The following FBXL2 variants were observed in gnomAD, a reference collection of about 807,000 sequenced individuals.
FBXL2 encodes F-box/LRR-repeat protein 2.
In FBXL2, 38 loss-of-function variants were observed where a neutral mutation model predicts 69.2. That is an observed-to-expected ratio of 0.55 (90% CI 0.42 to 0.72). The LOEUF (loss-of-function observed/expected upper bound fraction) is 0.72, where lower values mean the gene tolerates loss of function less well. Ranked by LOEUF, FBXL2 falls within the 30% of genes least tolerant of loss-of-function variation. The probability of loss-of-function intolerance (pLI) is 0.00; values close to 1 mark genes in which losing one functional copy is unlikely to be tolerated. For missense variants in FBXL2, 354 were observed against 520.3 expected (o/e 0.68, Z 3.11); for synonymous variants, 192 against 201.3 (o/e 0.95, Z 0.39).
At chr3:33,340,455 A>G (rs2039925438) in intron 2 of FBXL2, among the ~76,000 whole-genome samples, 1 of 151,770 alleles carries the variant, frequency 6.6e-6, no homozygotes. Context: ...CAGAAAATGT[A>G]TGAGATGGAA....
At chr3:33,291,975 T>TA (rs1401563238) in intron 1 of FBXL2, among the ~76,000 whole-genome samples, 6 of 152,134 alleles carry the variant, frequency 3.9e-5, no homozygotes, top group African/African-American at 1.4e-4. Flanking sequence ...GTGAAAAAGA[T>TA]ATACCATGCA....
chr3:33,344,804 T>TA, intron 2 of FBXL2, among the ~76,000 whole-genome samples: 1 of 152,232 alleles, frequency 6.6e-6, no homozygotes, highest in East Asian at 1.9e-4. Flanking sequence ...ATTGATAAAT[T>TA]CTTACTAAAA....
In FBXL2 at chr3:33,288,413, AGGT is replaced by A. The variant is rs2034873033; in HGVS notation, c.4-9246_4-9244del. ...CAGGGAGACAGATAATAAACAGATAAGGTGGTGAAAAGTACTTTGGAGAAAAAT... is the reference window on the plus strand; with the variant it reads ...CAGGGAGACAGATAATAAACAGATAAGGTGAAAAGTACTTTGGAGAAAAAT... On this transcript the variant is annotated intron_variant, in intron 1 of 14. Coordinates refer to ENST00000484457, the MANE Select transcript of FBXL2 (RefSeq NM_012157.5). 2.6e-5 allele frequency among the ~76,000 whole-genome samples: 4 copies of A among 152,346 alleles called. No homozygotes were observed. The South Asian group carries it at 8.3e-4, about 32-fold the overall frequency.
At position 33,393,463 on chromosome 3, in the gene FBXL2, A is replaced by T. The variant is rs76027504; in HGVS notation, n.1214+7735A>T. ...GTAGATTGCATGATAAACTGAAATT[A>T]AAAAAAAAAAAAGAAAAGCATTTTA... On this transcript the variant is annotated intron_variant and non_coding_transcript_variant, in intron 12 of 12. Transcript: ENST00000463736. The T allele has an allele frequency of 2.1e-5, 6 of 282,820 alleles. No individual in the cohort carries two copies. In the East Asian group the frequency reaches 3.5e-4, roughly 17 times the overall value. The allele number at this position is 282,820 out of a possible 1,614,324, so 17.5% of individuals were successfully genotyped here. A position where few individuals can be genotyped will look rare whatever the true frequency, so the allele number is the denominator to read the frequency against.
At chr3:33,345,692 A>G (rs1031172027) in intron 2 of FBXL2, among the ~76,000 whole-genome samples, 5 of 152,222 alleles carry the variant, frequency 3.3e-5, no homozygotes, top group Non-Finnish European at 7.3e-5. Flanking sequence ...AGCATACAAA[A>G]TGTTCCTACA....
chr3:33,310,082 T>C (rs1003949825), intron 2 of FBXL2, among the ~76,000 whole-genome samples: 1 of 152,204 alleles, frequency 6.6e-6, no homozygotes. Flanking sequence ...TGTCATAATT[T>C]ACATTTTTAA....
At chr3:33,326,505 C>CAAA (rs543949783) in intron 2 of FBXL2, among the ~76,000 whole-genome samples, 2 of 96,612 alleles carry the variant, frequency 2.1e-5, no homozygotes, top group African/African-American at 3.6e-5. Context: ...GACTCCGTCT[C>CAAA]AAAAAAAAAA....
intron 2 of FBXL2, among the ~76,000 whole-genome samples, chr3:33,337,811 T>C (rs1235462447): frequency 6.6e-6 from 1 of 152,194 alleles, no homozygotes; most frequent in African/African-American, 2.4e-5. Context: ...AGCATTTCTG[T>C]AGACCAATAA....
intron 2 of FBXL2, among the ~76,000 whole-genome samples, chr3:33,311,028 C>T (rs575946410): frequency 4.6e-5 from 7 of 152,206 alleles, no homozygotes; most frequent in South Asian, 4.1e-4. Context: ...CCACCCACCT[C>T]GGCCTCCCAA....
At chr3:33,283,201 TA>T (rs1302737336) in intron 1 of FBXL2, among the ~76,000 whole-genome samples, 1 of 152,218 alleles carries the variant, frequency 6.6e-6, no homozygotes, top group Non-Finnish European at 1.5e-5. Context: ...AAATAGCTCT[TA>T]TTATTTTGAG....
intron 2 of FBXL2, among the ~76,000 whole-genome samples, chr3:33,336,061 A>G (rs1290953340): frequency 5.3e-5 from 8 of 152,214 alleles, no homozygotes; most frequent in Admixed American, 4.6e-4. Flanking sequence ...TCATAACCCT[A>G]GCAGAGTTTT....
chr3:33,417,053 A>G, the FBXL2 span, among the ~76,000 whole-genome samples: 1 of 152,216 alleles, frequency 6.6e-6, no homozygotes, highest in African/African-American at 2.4e-5. Flanking sequence ...CTGTCAATTT[A>G]TCTTCATCTG....
chr3:33,362,114 T>C (rs2154042376), intron 4 of FBXL2, among the ~76,000 whole-genome samples: 1 of 152,314 alleles, frequency 6.6e-6, no homozygotes, highest in South Asian at 2.1e-4. Flanking sequence ...GTGGGTTGCA[T>C]GACTGGCACA....
intron 2 of FBXL2, among the ~76,000 whole-genome samples, chr3:33,342,682 A>T (rs1019384626): frequency 1.6e-5 from 2 of 126,870 alleles, no homozygotes; most frequent in Admixed American, 8.1e-5. Flanking sequence ...ATTTACAGCC[A>T]TTAGATTCTT....
intron 5 of FBXL2, among the ~76,000 whole-genome samples, chr3:33,365,763 A>C (rs1341577535): frequency 6.6e-6 from 1 of 151,734 alleles, no homozygotes; most frequent in African/African-American, 2.4e-5. Context: ...ACCAACAACA[A>C]TTTGTGCTTT....
At chr3:33,379,055 T>C (rs1037357789) in intron 13 of FBXL2, among the ~76,000 whole-genome samples, 1 of 150,156 alleles carries the variant, frequency 6.7e-6, no homozygotes, top group Non-Finnish European at 1.5e-5. Context: ...TCGCCTAGGG[T>C]GGAAAGCAGT....
At chr3:33,286,838 A>G (rs1242166142) in intron 1 of FBXL2, among the ~76,000 whole-genome samples, 1 of 152,232 alleles carries the variant, frequency 6.6e-6, no homozygotes, top group African/African-American at 2.4e-5. Context: ...CCTCTGAGCC[A>G]GGCGCGGGAT....
the FBXL2 span, chr3:33,416,894 A>G: frequency 8.2e-6 from 11 of 1,339,244 alleles, no homozygotes; most frequent in African/African-American, 5.8e-5. Context: ...TTTGCTTAAC[A>G]TAATTCAAAA....
intron 5 of FBXL2, among the ~76,000 whole-genome samples, chr3:33,371,309 C>G (rs143222905): frequency 6.6e-6 from 1 of 151,118 alleles, no homozygotes; most frequent in Admixed American, 6.6e-5. Context: ...GAACTACAGG[C>G]ATGTGCCACC....
Sources: gnomAD v4.1 joint callset for allele counts (sites outside exome capture counted in the v4.1 genomes callset) on GRCh38, gnomAD v4.1.1 for gene constraint, MANE v1.5 for transcripts, NCBI Gene and HGNC (gene_info 2026-07-23, HGNC 2026-07-21) for gene names.